ME1: variants seen among roughly 807,000 people sequenced by gnomAD.
ME1 encodes NADP-dependent malic enzyme.
ME1 carries 74 observed loss-of-function variants against 66.4 expected under a neutral mutation model. That is an observed-to-expected ratio of 1.11 (90% confidence interval 0.92 to 1.35). The LOEUF is 1.35. Among genes scored for constraint, ME1 ranks in the 40% most tolerant of loss-of-function variants. The pLI is 0.00. For missense variants in ME1, 750 were observed against 694.1 expected (o/e 1.08, Z -0.90); for synonymous variants, 251 against 235.6 (o/e 1.07, Z -0.60).
chr6:83,225,808 T>TTATATATATA (rs57577563), intron 11 of ME1, among the ~76,000 whole-genome samples: 1,481 of 137,918 alleles, frequency 0.011, 12 homozygotes, highest in Non-Finnish European at 0.017. Context: ...GCCTGTAACA[T>TTATATATATA]TATATATATA....
chr6:83,246,553 AT>A (rs1790627604), intron 7 of ME1, among the ~76,000 whole-genome samples: 1 of 152,122 alleles, frequency 6.6e-6, no homozygotes, highest in Non-Finnish European at 1.5e-5. Context: ...TCTATAATAT[AT>A]TTTAAAATAT....
intron 6 of ME1, among the ~76,000 whole-genome samples, chr6:83,314,999 G>T (rs1768002622): frequency 1.3e-5 from 2 of 152,116 alleles, no homozygotes; most frequent in African/African-American, 4.8e-5. Context: ...AATGTAAAAA[G>T]GTTTGCAGGT....
chr6:83,221,119 C>G (rs1239053394), intron 12 of ME1, among the ~76,000 whole-genome samples: 1 of 151,226 alleles, frequency 6.6e-6, no homozygotes, highest in Non-Finnish European at 1.5e-5. Flanking sequence ...AAGATCACAC[C>G]ACTACACTCC....
rs966812007 is a variant in ME1, at chr6:83,211,245, A to C, written c.*679T>G. 2 of 152,586 alleles carry C rather than the reference A, an allele frequency of 1.3e-5. No homozygotes were observed. The highest frequency in any genetic ancestry group is 2.9e-5 in the Non-Finnish European group (2 of 68,062). The allele number at this position is 152,586 out of a possible 1,614,324, so 9.5% of individuals were successfully genotyped here. ...ATGGGATGTTTGATCAAGGGGGAAA[A>C]AAGGTGATTTCAGGTGGGATTTCTG... On this transcript the variant is annotated 3_prime_UTR_variant, in exon 14 of 14. Transcript: ENST00000369705.
Position 83,398,397 on chromosome 6 carries a change from T to G in ME1, c.332A>C (p.Gln111Pro). 6.3e-7 allele frequency: 1 copy of G among 1,593,118 alleles called. No individual in the cohort carries two copies. The highest frequency in any genetic ancestry group is 1.2e-5 in the South Asian group (1 of 86,340). ...VYTPTVGLAC[Q>P]QYSLVFRKPR... ...CTTCCGAAACACCAAACTATATTGTTGGCAAGCCAGACCCACAGTGGGAGT... is the reference window on the plus strand; with the variant it reads ...CTTCCGAAACACCAAACTATATTGTGGGCAAGCCAGACCCACAGTGGGAGT... The change falls in exon 3 of 14, where the codon CAA becomes CCA. Residue 111 changes from glutamine to proline, a missense_variant. Gln to Pro is a moderately conservative substitution (Grantham distance 76). Coordinates refer to ENST00000369705, the MANE Select transcript of ME1 (RefSeq NM_002395.6).
intron 7 of ME1, among the ~76,000 whole-genome samples, chr6:83,250,771 C>T (rs1790709303): frequency 6.6e-6 from 1 of 152,188 alleles, no homozygotes; most frequent in Non-Finnish European, 1.5e-5. Flanking sequence ...GTCAACCTAC[C>T]AACTCCTTAG....
chr6:83,218,407 T>C (rs1790030340), intron 12 of ME1, among the ~76,000 whole-genome samples: 1 of 152,194 alleles, frequency 6.6e-6, no homozygotes, highest in Admixed American at 6.5e-5. Flanking sequence ...GGGGGCATTC[T>C]TTTCCCCTCC....
chr6:83,369,188 TA>T (rs1322456529), intron 3 of ME1, among the ~76,000 whole-genome samples: 1 of 152,074 alleles, frequency 6.6e-6, no homozygotes, highest in Non-Finnish European at 1.5e-5. Flanking sequence ...ACATGAAGAA[TA>T]GGGTGATGAA....
intron 2 of ME1, among the ~76,000 whole-genome samples, chr6:83,406,021 A>G (rs6454326): frequency 0.47 from 71,055 of 151,996 alleles, 18,453 homozygotes; most frequent in African/African-American, 0.69. Flanking sequence ...GCACCCGGCC[A>G]AGAGTTTTTA....
At chr6:83,357,941 A>C (rs796631943) in intron 3 of ME1, among the ~76,000 whole-genome samples, 7,040 of 39,840 alleles carry the variant, frequency 0.18, 347 homozygotes, top group East Asian at 0.2. Context: ...CTCTCTATAT[A>C]TATATATATA....
intron 6 of ME1, among the ~76,000 whole-genome samples, chr6:83,270,417 T>A (rs141366903): frequency 0.027 from 4,148 of 151,282 alleles, 189 homozygotes; most frequent in African/African-American, 0.092. Flanking sequence ...AAAAAAAAAA[T>A]TTGATATTTC....
intron 2 of ME1, among the ~76,000 whole-genome samples, chr6:83,401,241 A>T (rs550588656): frequency 6.2e-4 from 95 of 152,318 alleles, no homozygotes; most frequent in Non-Finnish European, 1.2e-3. Context: ...AGGGTGAGGC[A>T]GGAGAACTGT....
At chr6:83,314,261 T>C (rs527993419) in intron 6 of ME1, among the ~76,000 whole-genome samples, 2 of 152,274 alleles carry the variant, frequency 1.3e-5, no homozygotes, top group East Asian at 3.9e-4. Context: ...AGGTTGAGCA[T>C]CTCTAATCCA....
intron 2 of ME1, among the ~76,000 whole-genome samples, chr6:83,401,756 C>T (rs565016596): frequency 6.6e-6 from 1 of 152,332 alleles, no homozygotes; most frequent in Non-Finnish European, 1.5e-5. Flanking sequence ...CCAAGGCCAA[C>T]CTGGCTATTA....
chr6:83,301,328 CT>C (rs1767715641), intron 6 of ME1, among the ~76,000 whole-genome samples: 2 of 139,078 alleles, frequency 1.4e-5, no homozygotes, highest in Admixed American at 7.4e-5. Context: ...CTCTCTCTCT[CT>C]CTCTCTCTCT....
chr6:83,265,728 T>C (rs1766977078), intron 6 of ME1, among the ~76,000 whole-genome samples: 1 of 152,210 alleles, frequency 6.6e-6, no homozygotes, highest in Non-Finnish European at 1.5e-5. Flanking sequence ...TTCAAATGAA[T>C]ATGAATGTTA....
intron 3 of ME1, among the ~76,000 whole-genome samples, chr6:83,370,717 A>G (rs1769179024): frequency 6.6e-6 from 1 of 152,140 alleles, no homozygotes; most frequent in African/African-American, 2.4e-5. Context: ...CTGTTAAATG[A>G]AAATATATAC....
chr6:83,216,364 C>A (rs894957710), intron 13 of ME1, 134 bp downstream of exon 13: 6 of 695,086 alleles, frequency 8.6e-6, no homozygotes, highest in Non-Finnish European at 1.5e-5. Context: ...CAGTGTGCCT[C>A]ATTTCTCTGA....
intron 3 of ME1, among the ~76,000 whole-genome samples, chr6:83,375,882 G>C (rs1769278413): frequency 6.6e-6 from 1 of 152,074 alleles, no homozygotes; most frequent in East Asian, 1.9e-4. Flanking sequence ...TTCTGTTTAT[G>C]TAATGGATTA....
Sources: gnomAD v4.1 joint callset for allele counts (sites outside exome capture counted in the v4.1 genomes callset) on GRCh38, gnomAD v4.1.1 for gene constraint, MANE v1.5 for transcripts, NCBI Gene and HGNC (gene_info 2026-07-23, HGNC 2026-07-21) for gene names.